NRXN1: variants seen among roughly 807,000 people sequenced by gnomAD.
NRXN1 encodes the protein neurexin-1.
NRXN1 carries 39 observed loss-of-function variants against 150.9 expected under a neutral mutation model. That is an observed-to-expected ratio of 0.26 (90% CI 0.20 to 0.34). The LOEUF (loss-of-function observed/expected upper bound fraction) is 0.34. Among genes scored for constraint, NRXN1 ranks in the 10% least tolerant of loss-of-function variants. NRXN1 has a pLI of 1.00. For synonymous variants in NRXN1, 924 were observed against 757.0 expected (o/e 1.22, Z -3.62); for missense variants, 1,815 against 1,949.9 (o/e 0.93, Z 1.30).
chr2:50,503,952 G>A (rs930967439), intron 13 of NRXN1, among the ~76,000 whole-genome samples: 20 of 151,864 alleles, frequency 1.3e-4, no homozygotes, highest in Non-Finnish European at 2.1e-4. Context: ...TCAACAACGC[G>A]GTATTTCACC....
intron 17 of NRXN1, among the ~76,000 whole-genome samples, chr2:50,278,222 C>A (rs1211551964): frequency 2.9e-5 from 2 of 69,196 alleles, no homozygotes; most frequent in Admixed American, 1.6e-4. Flanking sequence ...ACCACCACAC[C>A]TGGCTTTTAT....
intron 17 of NRXN1, among the ~76,000 whole-genome samples, chr2:50,239,666 A>ATATATATATT (rs2152883861): frequency 8.9e-5 from 1 of 11,278 alleles, no homozygotes; most frequent in East Asian, 3.0e-3. Flanking sequence ...ATTCCAGTAT[A>ATATATATATT]TATATATATA....
chr2:50,806,755 G>A (rs1328566055), intron 5 of NRXN1, among the ~76,000 whole-genome samples: 2 of 152,014 alleles, frequency 1.3e-5, no homozygotes, highest in African/African-American at 2.4e-5. Context: ...CTCTTATTGA[G>A]CTACCTCGTA....
At chr2:50,603,468 C>G (rs1676601924) in intron 8 of NRXN1, among the ~76,000 whole-genome samples, 1 of 152,102 alleles carries the variant, frequency 6.6e-6, no homozygotes, top group African/African-American at 2.4e-5. Flanking sequence ...GAAAGAAAAA[C>G]TAAGCAGGCA....
intron 18 of NRXN1, among the ~76,000 whole-genome samples, chr2:50,107,257 TAA>T (rs3046682): frequency 0.15 from 21,612 of 143,594 alleles, 1,981 homozygotes; most frequent in East Asian, 0.35. Flanking sequence ...TCTGATACAT[TAA>T]AAAAAAAAAA....
At chr2:50,085,757 G>C (rs1698696000) in intron 19 of NRXN1, among the ~76,000 whole-genome samples, 1 of 151,968 alleles carries the variant, frequency 6.6e-6, no homozygotes, top group South Asian at 2.1e-4. Flanking sequence ...CCATAAGATA[G>C]TCTTGTGTGT....
At chr2:50,286,327 C>T (rs2072162781) in intron 17 of NRXN1, among the ~76,000 whole-genome samples, 1 of 152,110 alleles carries the variant, frequency 6.6e-6, no homozygotes, top group South Asian at 2.1e-4. Flanking sequence ...CACAATTCTA[C>T]TCTCTACTTC....
chr2:50,446,809 T>C (rs2086456203), intron 17 of NRXN1, among the ~76,000 whole-genome samples: 1 of 152,258 alleles, frequency 6.6e-6, no homozygotes, highest in Admixed American at 6.5e-5. Context: ...TATACAAATA[T>C]GCATTATTTT....
chr2:50,312,625 T>C, intron 17 of NRXN1: 3 of 456,010 alleles, frequency 6.6e-6, no homozygotes, highest in South Asian at 4.7e-5. Flanking sequence ...TACACACATG[T>C]TAAACCTGAG....
intron 5 of NRXN1, among the ~76,000 whole-genome samples, chr2:50,674,013 G>A (rs868442105): frequency 6.6e-5 from 10 of 151,940 alleles, no homozygotes; most frequent in Admixed American, 2.0e-4. Context: ...CTGGTTGATG[G>A]GTGCAGCAAA....
Position 50,424,035 on chromosome 2 carries a change from TAAG to T in NRXN1, c.3364+41404_3364+41406del, listed in dbSNP as rs148560738. Reference sequence around the variant, plus strand: ...GATCCTGTGAGGCTGTGGGCCACAATAAGAAGTTCATTGAAATGGGCCACAGTG... The same window carrying T: ...GATCCTGTGAGGCTGTGGGCCACAATAAGTTCATTGAAATGGGCCACAGTG... On this transcript the variant is annotated intron_variant, in intron 17 of 22. Transcript: ENST00000401669. Among the ~76,000 whole-genome samples the T allele has an allele frequency of 1.9e-3, 280 of 150,740 alleles. 10 individuals are homozygous for T. In the East Asian group the frequency reaches 0.048, roughly 26 times the overall value.
Position 50,687,087 on chromosome 2 carries a change from G to T in NRXN1, c.833-63472C>A, listed in dbSNP as rs537686983. Among the ~76,000 whole-genome samples the T allele has an allele frequency of 1.6e-4, 25 of 152,256 alleles. No individual in the cohort carries two copies. The South Asian group carries it at 5.0e-3, about 30-fold the overall frequency. On this transcript the variant is annotated intron_variant, in intron 5 of 22. Coordinates refer to ENST00000401669, the MANE Select transcript of NRXN1 (RefSeq NM_001330078.2). ...CTTTTATTAGAATTGCTTTTGGTTTGTTTCCTCTGATAACAAGGTAATATC... is the reference window on the plus strand; with the variant it reads ...CTTTTATTAGAATTGCTTTTGGTTTTTTTCCTCTGATAACAAGGTAATATC...
intron 8 of NRXN1, among the ~76,000 whole-genome samples, chr2:50,591,433 TA>T (rs1361922771): frequency 1.3e-5 from 2 of 150,760 alleles, no homozygotes; most frequent in African/African-American, 2.4e-5. Flanking sequence ...GATAGATAGA[TA>T]GATAGATGTA....
At chr2:50,150,474 C>A (rs1478917590) in intron 18 of NRXN1, among the ~76,000 whole-genome samples, 2 of 151,732 alleles carry the variant, frequency 1.3e-5, no homozygotes, top group African/African-American at 4.8e-5. Flanking sequence ...ACTGATAAGT[C>A]CACACTCTGC....
At chr2:50,352,513 G>C (rs962378367) in intron 17 of NRXN1, among the ~76,000 whole-genome samples, 2 of 151,926 alleles carry the variant, frequency 1.3e-5, no homozygotes, top group Admixed American at 1.3e-4. Context: ...AATTAAAAAT[G>C]AGAAGAGTGT....
chr2:50,347,060 C>A lies in NRXN1; in HGVS notation c.3365-110090G>T. ...GCGGAGTGGGCTGAGGGGCCGGCCG[C>A]CTCACCGCGCCAGGGCACCCATCCT... On this transcript the variant is annotated intron_variant, in intron 17 of 22. Transcript: ENST00000401669. This position sits in a 1 kb window ranked among gnomAD's most constrained non-coding sequence, Gnocchi z 4.9. 2 of 1,378,966 alleles carry A rather than the reference C, an allele frequency of 1.5e-6. No homozygotes were observed. The highest frequency in any genetic ancestry group is 1.9e-6 in the Non-Finnish European group (2 of 1,051,554). 85.4% of individuals were successfully genotyped at this position (1,378,966 alleles called of 1,614,324 possible). A position where few individuals can be genotyped will look rare whatever the true frequency, so the allele number is the denominator to read the frequency against.
At chr2:50,599,900 A>G (rs1237552879) in intron 8 of NRXN1, among the ~76,000 whole-genome samples, 1 of 152,212 alleles carries the variant, frequency 6.6e-6, no homozygotes, top group Non-Finnish European at 1.5e-5. Flanking sequence ...TATTTTAATA[A>G]CTATAACCTA....
chr2:50,980,305 G>A (rs932174723), intron 2 of NRXN1, among the ~76,000 whole-genome samples: 1 of 151,954 alleles, frequency 6.6e-6, no homozygotes, highest in Non-Finnish European at 1.5e-5. Context: ...TTACTTTTGA[G>A]GTAATTAATA....
At chr2:50,648,278 G>T (rs1262507184) in intron 5 of NRXN1, among the ~76,000 whole-genome samples, 1 of 151,908 alleles carries the variant, frequency 6.6e-6, no homozygotes, top group African/African-American at 2.4e-5. Flanking sequence ...AGTTGGAAAT[G>T]CTGAGAAGCC....
Sources: gnomAD v4.1 joint callset for allele counts (sites outside exome capture counted in the v4.1 genomes callset) on GRCh38, gnomAD v4.1.1 for gene constraint, Gnocchi (gnomAD v3.1) non-coding constraint, MANE v1.5 for transcripts, NCBI Gene and HGNC (gene_info 2026-07-23, HGNC 2026-07-21) for gene names.